Variants in DNAJC1 observed in about 807,000 individuals in gnomAD.
DNAJC1 encodes DnaJ heat shock protein family (Hsp40) member C1, also known as dnaJ homolog subfamily C member 1.
Under a neutral mutation model 76.6 loss-of-function variants are expected in DNAJC1, and 58 were observed. The observed-to-expected ratio is 0.76, with a 90% CI of 0.61 to 0.94. DNAJC1 has a LOEUF of 0.94. Among genes scored for constraint, DNAJC1 ranks in the 40% least tolerant of loss-of-function variants. The pLI is 0.00. For missense variants in DNAJC1, 689 were observed against 677.3 expected, an observed-to-expected ratio of 1.02 and a Z score of -0.19; for synonymous variants, 258 against 267.9, an observed-to-expected ratio of 0.96 and a Z score of 0.36.
chr10:21,897,250 C>T (rs891827420), intron 7 of DNAJC1, among the ~76,000 whole-genome samples: 4 of 152,062 alleles, frequency 2.6e-5, no homozygotes, highest in South Asian at 4.1e-4. Context: ...ACCATGTCCT[C>T]GTGGTGTTTA....
chr10:21,772,176 A>G (rs1834387503), intron 9 of DNAJC1, among the ~76,000 whole-genome samples: 1 of 152,042 alleles, frequency 6.6e-6, no homozygotes, highest in African/African-American at 2.4e-5. Context: ...CATATTTATA[A>G]AAACATTGGT....
In DNAJC1 at chr10:21,806,011, A is replaced by G; in HGVS notation, c.1067T>C (p.Ile356Thr). Residue 356 changes from isoleucine (I) to threonine (T), a missense_variant, in exon 9 of 12, where the codon ATT (isoleucine) becomes ACT (threonine). By Grantham distance (89) the Ile-to-Thr change is moderately conservative. Transcript: ENST00000376980. ...CACAGATCGACCCAATTCGTGGGCA[A>G]TCTTTTCCCATCGACCTGGAGTCCC... is the stretch of plus-strand genomic sequence containing the variant. ...PGGTPGRWEKIAHELGRSVTD... is the reference protein window; with the variant it reads ...PGGTPGRWEKTAHELGRSVTD... 2 of 1,611,682 alleles carry G rather than the reference A, an allele frequency of 1.2e-6. No homozygotes were observed. The highest frequency in any genetic ancestry group is 2.7e-5 in the African/African-American group (2 of 74,958).
chr10:21,800,554 T>C (rs1834801731), intron 9 of DNAJC1, among the ~76,000 whole-genome samples: 1 of 152,250 alleles, frequency 6.6e-6, no homozygotes, highest in African/African-American at 2.4e-5. Context: ...TAGGATATTC[T>C]TTAATGATAT....
rs183286809 is a variant in DNAJC1 at position 21,766,692 on chromosome 10, C to T, written c.1099-383G>A. 3.3e-5 allele frequency among the ~76,000 whole-genome samples: 5 copies of T among 152,106 alleles called. No individual in the cohort carries two copies. The East Asian group carries it at 5.8e-4, about 18-fold the overall frequency. On this transcript the variant is annotated intron_variant, in intron 9 of 11. Coordinates refer to ENST00000376980, the MANE Select transcript of DNAJC1 (RefSeq NM_022365.4). ...TCTTAAAAGATACTACTTTCAAGGC[C>T]GGGCATGGTGGCTCATGCCTGCAAT...
chr10:21,785,260 GC>G (rs1175395296), intron 9 of DNAJC1: 1 of 152,204 alleles, frequency 6.6e-6, no homozygotes, highest in Non-Finnish European at 1.5e-5. Context: ...CAGTCAGGAT[GC>G]AAAGCCTTTG....
Position 21,999,530 on chromosome 10 carries a change from A to G in DNAJC1, c.222+3683T>C, listed in dbSNP as rs568924766. The stretch of plus-strand genomic sequence containing the variant: ...GAGTGCAGTGGCACAATCTTGGCTC[A>G]CTGCAACCTCCGCCTCCCGGGTTCA... On this transcript the variant is annotated intron_variant, in intron 1 of 11. Coordinates refer to ENST00000376980, the MANE Select transcript of DNAJC1 (RefSeq NM_022365.4). Among the ~76,000 whole-genome samples, 331 of 135,948 alleles carry G rather than the reference A, an allele frequency of 2.4e-3. 3 individuals are homozygous for G. Among genetic ancestry groups the G allele is most frequent in the African/African-American group, 8.8e-3 (315 of 35,750 alleles). 89.2% of individuals were successfully genotyped at this position (135,948 alleles called of 152,430 possible).
chr10:21,832,446 TAAACTTAGCACATACCA>T (rs1046879248), intron 8 of DNAJC1, among the ~76,000 whole-genome samples: 5 of 152,222 alleles, frequency 3.3e-5, no homozygotes, highest in Admixed American at 2.0e-4. Context: ...ATTTGCATCA[TAAACTTAGCACATACCA>T]AACTGATTAC....
intron 9 of DNAJC1, among the ~76,000 whole-genome samples, chr10:21,786,630 C>T (rs1834614991): frequency 6.6e-6 from 1 of 151,904 alleles, no homozygotes; most frequent in Admixed American, 6.6e-5. Flanking sequence ...GCGTGCGCCA[C>T]CACACCGGCT....
intron 3 of DNAJC1, among the ~76,000 whole-genome samples, chr10:21,926,053 G>A (rs1263819277): frequency 6.6e-6 from 1 of 152,212 alleles, no homozygotes; most frequent in African/African-American, 2.4e-5. Context: ...CGGGGTTCAA[G>A]CAATCCTCCC....
At chr10:21,871,645 G>T (rs963712998) in intron 8 of DNAJC1, among the ~76,000 whole-genome samples, 5 of 151,756 alleles carry the variant, frequency 3.3e-5, no homozygotes, top group Non-Finnish European at 7.4e-5. Context: ...TCTAATTTTC[G>T]TTATTATTAT....
chr10:21,983,759 C>T (rs1355395615), intron 1 of DNAJC1, among the ~76,000 whole-genome samples: 1 of 150,304 alleles, frequency 6.7e-6, no homozygotes, highest in Non-Finnish European at 1.5e-5. Context: ...TGAGAGGTTA[C>T]CAGGAGCTGG....
At chr10:21,778,193 CA>C (rs1834478040) in intron 9 of DNAJC1, among the ~76,000 whole-genome samples, 1 of 150,456 alleles carries the variant, frequency 6.6e-6, no homozygotes, top group Non-Finnish European at 1.5e-5. Context: ...GACTTCATCT[CA>C]AAAAAGAAAA....
intron 9 of DNAJC1, among the ~76,000 whole-genome samples, chr10:21,775,331 C>CTTTTT (rs34444920): frequency 2.0e-5 from 1 of 49,668 alleles, no homozygotes. Flanking sequence ...CTGCAAATGG[C>CTTTTT]TTTTTTTTTT....
At chr10:21,909,738 T>C (rs1836823161) in intron 6 of DNAJC1, among the ~76,000 whole-genome samples, 1 of 152,166 alleles carries the variant, frequency 6.6e-6, no homozygotes, top group Admixed American at 6.5e-5. Flanking sequence ...ACAGAAAAAC[T>C]CATGCAAATC....
chr10:21,886,680 A>G (rs1836370325), intron 7 of DNAJC1, among the ~76,000 whole-genome samples: 1 of 152,198 alleles, frequency 6.6e-6, no homozygotes, highest in South Asian at 2.1e-4. Flanking sequence ...TAAGCAAATT[A>G]ATAAATGTGA....
intron 9 of DNAJC1, among the ~76,000 whole-genome samples, chr10:21,788,245 C>T (rs892746922): frequency 3.3e-5 from 5 of 152,238 alleles, no homozygotes; most frequent in African/African-American, 4.8e-5. Flanking sequence ...TGTGCACTGC[C>T]TCCGCTGGAA....
chr10:21,784,889 G>A (rs151154372), intron 9 of DNAJC1, among the ~76,000 whole-genome samples: 2,359 of 152,026 alleles, frequency 0.016, 31 homozygotes, highest in Middle Eastern at 0.027. Flanking sequence ...ATCACACACC[G>A]GGGCCTGTCA....
intron 8 of DNAJC1, among the ~76,000 whole-genome samples, chr10:21,882,018 G>T (rs1452234395): frequency 6.6e-6 from 1 of 152,038 alleles, no homozygotes; most frequent in Non-Finnish European, 1.5e-5. Context: ...GCCAGGCGTG[G>T]TGGTGGGCAC....
intron 1 of DNAJC1, among the ~76,000 whole-genome samples, chr10:21,931,350 G>C (rs181762115): frequency 8.9e-4 from 136 of 152,202 alleles, no homozygotes; most frequent in African/African-American, 3.1e-3. Flanking sequence ...TTTTCCTCTT[G>C]AGAATCTATC....
Sources: allele counts gnomAD v4.1 joint callset (sites outside exome capture counted in the v4.1 genomes callset), GRCh38; gene constraint gnomAD v4.1.1; transcripts MANE v1.5; gene names NCBI Gene and HGNC (gene_info 2026-07-23, HGNC 2026-07-21).